FRS2: variants seen among roughly 807,000 people sequenced by gnomAD.
The protein encoded by FRS2 is FGFR signalling adaptor.
FRS2 carries 8 observed loss-of-function variants against 43.9 expected under a neutral mutation model. The observed-to-expected ratio is 0.18, with a 90% CI of 0.11 to 0.33. The LOEUF (loss-of-function observed/expected upper bound fraction) is 0.33. FRS2 is among the 10% of genes least tolerant of loss of function. FRS2 has a pLI of 1.00. For synonymous variants in FRS2, 219 were observed against 220.3 expected (o/e 0.99, Z 0.05); for missense variants, 534 against 627.6 (o/e 0.85, Z 1.59).
intron 1 of FRS2, among the ~76,000 whole-genome samples, chr12:69,496,580 C>G (rs908148046): frequency 6.6e-6 from 1 of 152,168 alleles, no homozygotes; most frequent in Non-Finnish European, 1.5e-5. Context: ...TTTGGTAGAG[C>G]TCTTACAGGC....
intron 4 of FRS2, among the ~76,000 whole-genome samples, chr12:69,565,590 AT>A (rs1029556931): frequency 1.3e-5 from 2 of 151,460 alleles, no homozygotes; most frequent in African/African-American, 2.4e-5. Flanking sequence ...AAAATTTTTA[AT>A]TTTTTTTTAA....
chr12:69,473,574 T>C (rs1432813516), intron 1 of FRS2, among the ~76,000 whole-genome samples: 1 of 152,182 alleles, frequency 6.6e-6, no homozygotes, highest in Admixed American at 6.5e-5. Flanking sequence ...GGGGGCAGGA[T>C]TGTGGAGCAT....
At chr12:69,566,360 A>G (rs1422646431) in intron 4 of FRS2, among the ~76,000 whole-genome samples, 1 of 152,194 alleles carries the variant, frequency 6.6e-6, no homozygotes, top group Non-Finnish European at 1.5e-5. Context: ...GAGAACAAAT[A>G]TGTACTTTCA....
chr12:69,555,663 T>G (rs1193359491), intron 3 of FRS2, among the ~76,000 whole-genome samples: 2 of 152,150 alleles, frequency 1.3e-5, no homozygotes, highest in African/African-American at 4.8e-5. Context: ...ACACACAGAT[T>G]CCACAGGGAT....
chr12:69,485,223 C>T lies in FRS2; in HGVS notation c.-261+14693C>T, dbSNP rs182894129. ...TTTGAGACGGAGTCTCGCTCTGTCCCCCAGGCTGGAGTGCAGTGGCGCCGT... is the reference window on the plus strand; with the variant it reads ...TTTGAGACGGAGTCTCGCTCTGTCCTCCAGGCTGGAGTGCAGTGGCGCCGT... On this transcript the variant is annotated intron_variant, in intron 1 of 8. Coordinates refer to ENST00000549921, the MANE Select transcript of FRS2 (RefSeq NM_001278356.2). Among the ~76,000 whole-genome samples the T allele has an allele frequency of 4.6e-3, 703 of 152,146 alleles. 8 individuals carry two copies. The highest frequency in any genetic ancestry group is 0.016 in the African/African-American group (679 of 41,498).
rs76967583 is a variant in FRS2 at position 69,534,592 on chromosome 12, G to A, written c.-122+2536G>A. 7.4e-3 allele frequency among the ~76,000 whole-genome samples: 1,131 copies of A among 152,304 alleles called. 3 individuals are homozygous for A. Among genetic ancestry groups the A allele is most frequent in the Non-Finnish European group, 0.011 (745 of 68,032 alleles). On this transcript the variant is annotated intron_variant, in intron 3 of 8. Transcript: ENST00000549921. ...CAGGGTTGCTAAGGTGACCATGGCT[G>A]TTTGGAGAAGAATGCAGCTGAGAGG...
At chr12:69,557,619 T>TGTGCAC (rs1555192498) in intron 3 of FRS2, among the ~76,000 whole-genome samples, 1 of 118,966 alleles carries the variant, frequency 8.4e-6, no homozygotes, top group Non-Finnish European at 1.9e-5. Flanking sequence ...TGTGTGTGTG[T>TGTGCAC]GCGCGCGCGC....
At chr12:69,518,781 G>A (rs754685247) in intron 1 of FRS2, among the ~76,000 whole-genome samples, 7 of 151,900 alleles carry the variant, frequency 4.6e-5, no homozygotes, top group African/African-American at 9.7e-5. Context: ...TTGGGAGGCC[G>A]AGGCAGGTGG....
At chr12:69,488,458 T>C (rs1872157403) in intron 1 of FRS2, among the ~76,000 whole-genome samples, 1 of 152,138 alleles carries the variant, frequency 6.6e-6, no homozygotes, top group South Asian at 2.1e-4. Context: ...TTTTTAAACG[T>C]AATGCTGTTG....
chr12:69,536,942 C>G (rs1005693372), intron 3 of FRS2, among the ~76,000 whole-genome samples: 2 of 152,076 alleles, frequency 1.3e-5, no homozygotes, highest in Admixed American at 6.6e-5. Context: ...TCTTGCCAGT[C>G]TTTTGTGTTG....
At chr12:69,519,256 G>A (rs1875382556) in intron 1 of FRS2, among the ~76,000 whole-genome samples, 2 of 152,160 alleles carry the variant, frequency 1.3e-5, no homozygotes, top group South Asian at 4.2e-4. Flanking sequence ...AGGCAAACCT[G>A]CTTTAATACC....
At chr12:69,506,952 G>A (rs1419382482) in intron 1 of FRS2, among the ~76,000 whole-genome samples, 2 of 152,270 alleles carry the variant, frequency 1.3e-5, no homozygotes, top group East Asian at 3.9e-4. Flanking sequence ...TTTATAAGAA[G>A]AGGAAGAGAG....
intron 1 of FRS2, among the ~76,000 whole-genome samples, chr12:69,487,292 A>G (rs890505267): frequency 6.6e-5 from 10 of 152,222 alleles, no homozygotes; most frequent in African/African-American, 2.4e-4. Flanking sequence ...TTGGTTTGAA[A>G]GCTTCAAAGG....
chr12:69,476,340 A>G (rs1236045701), intron 1 of FRS2, among the ~76,000 whole-genome samples: 4 of 152,162 alleles, frequency 2.6e-5, no homozygotes, highest in Non-Finnish European at 5.9e-5. Flanking sequence ...TGTGTTTCTC[A>G]ACCAGAGCCT....
At chr12:69,483,409 C>T (rs998889884) in intron 1 of FRS2, among the ~76,000 whole-genome samples, 1 of 152,098 alleles carries the variant, frequency 6.6e-6, no homozygotes, top group Admixed American at 6.6e-5. Flanking sequence ...TGCGTGAAGT[C>T]ATGTAGTATG....
intron 3 of FRS2, among the ~76,000 whole-genome samples, chr12:69,553,055 A>G (rs766444353): frequency 1.6e-4 from 25 of 151,652 alleles, no homozygotes; most frequent in Non-Finnish European, 3.1e-4. Context: ...ACTTAGAGCT[A>G]TTTTTGTTTT....
chr12:69,474,735 A>G (rs1870614737), intron 1 of FRS2, among the ~76,000 whole-genome samples: 1 of 152,162 alleles, frequency 6.6e-6, no homozygotes, highest in Admixed American at 6.5e-5. Context: ...TTTCTTTTGG[A>G]CATTTGTTTG....
chr12:69,495,849 T>C (rs1872832019), intron 1 of FRS2, among the ~76,000 whole-genome samples: 1 of 152,120 alleles, frequency 6.6e-6, no homozygotes, highest in Non-Finnish European at 1.5e-5. Flanking sequence ...GGAGGATTGA[T>C]TGAGCCTAGG....
In FRS2 at chr12:69,485,113, A is replaced by ACGCGCG. The variant is rs1211462538; in HGVS notation, c.-261+14584_-261+14585insGCGCGC. ...CACACACACACACACACACACACAC[A>ACGCGCG]CACACACACACACACACACACACTC... On this transcript the variant is annotated intron_variant, in intron 1 of 8. Coordinates refer to ENST00000549921, the MANE Select transcript of FRS2 (RefSeq NM_001278356.2). 5.3e-3 allele frequency among the ~76,000 whole-genome samples: 750 copies of ACGCGCG among 142,410 alleles called. 8 individuals carry two copies. Among genetic ancestry groups the ACGCGCG allele is most frequent in the African/African-American group, 0.019 (670 of 35,842 alleles). The allele number at this position is 142,410 out of a possible 152,430, so 93.4% of individuals were successfully genotyped here.
Sources: allele counts gnomAD v4.1 joint callset (sites outside exome capture counted in the v4.1 genomes callset), GRCh38; gene constraint gnomAD v4.1.1; transcripts MANE v1.5; gene names NCBI Gene and HGNC (gene_info 2026-07-23, HGNC 2026-07-21).